MAML3: variants seen among roughly 807,000 people sequenced by gnomAD.
MAML3 encodes the protein mastermind like transcriptional coactivator 3, also known as mastermind-like protein 3.
Under a neutral mutation model 101.9 loss-of-function variants are expected in MAML3, and 27 were observed. The ratio of observed to expected loss-of-function variants is 0.27; its 90% confidence interval spans 0.20 to 0.37. The LOEUF (loss-of-function observed/expected upper bound fraction) is 0.37. MAML3 is among the 10% of genes least tolerant of loss of function. The pLI is 1.00. For synonymous variants in MAML3, 501 were observed against 555.9 expected (o/e 0.90, Z 1.39); for missense variants, 1,316 against 1,444.9 (o/e 0.91, Z 1.45).
intron 1 of MAML3, among the ~76,000 whole-genome samples, chr4:140,029,463 T>C (rs1355748520): frequency 6.6e-6 from 1 of 152,216 alleles, no homozygotes; most frequent in East Asian, 1.9e-4. Context: ...CTTATTTGTG[T>C]GGTAACTGAA....
intron 1 of MAML3, among the ~76,000 whole-genome samples, chr4:140,047,887 G>A (rs1015763119): frequency 1.3e-5 from 2 of 152,046 alleles, no homozygotes; most frequent in African/African-American, 4.8e-5. Context: ...AGCGCTGGCG[G>A]CAATGGCCAT....
At chr4:139,782,180 A>G (rs1730228301) in intron 2 of MAML3, among the ~76,000 whole-genome samples, 1 of 152,216 alleles carries the variant, frequency 6.6e-6, no homozygotes, top group South Asian at 2.1e-4. Context: ...TGATTTTTTT[A>G]GAGACAAGGT....
chr4:139,820,982 T>A (rs896853201), intron 2 of MAML3, among the ~76,000 whole-genome samples: 1 of 152,232 alleles, frequency 6.6e-6, no homozygotes, highest in Non-Finnish European at 1.5e-5. Flanking sequence ...TATCCATTTT[T>A]CATGTGTTCC....
At chr4:140,104,045 A>T (rs912007118) in intron 1 of MAML3, among the ~76,000 whole-genome samples, 1 of 152,022 alleles carries the variant, frequency 6.6e-6, no homozygotes, top group Non-Finnish European at 1.5e-5. Context: ...TGTACACATC[A>T]TATCACTCAC....
At chr4:140,072,066 C>G (rs1411715062) in intron 1 of MAML3, among the ~76,000 whole-genome samples, 4 of 152,126 alleles carry the variant, frequency 2.6e-5, no homozygotes, top group African/African-American at 7.2e-5. Flanking sequence ...CAGACACTTC[C>G]GGCTTTCATT....
chr4:140,033,874 T>A (rs772880522), intron 1 of MAML3, among the ~76,000 whole-genome samples: 2 of 152,234 alleles, frequency 1.3e-5, no homozygotes, highest in African/African-American at 4.8e-5. Flanking sequence ...TTTTAAAGTG[T>A]GCATTCTTAT....
At chr4:139,877,135 T>C (rs1049515264) in intron 2 of MAML3, among the ~76,000 whole-genome samples, 2 of 152,142 alleles carry the variant, frequency 1.3e-5, no homozygotes, top group Non-Finnish European at 2.9e-5. Context: ...ATAAAACATA[T>C]AGGTAAATTG....
intron 1 of MAML3, among the ~76,000 whole-genome samples, chr4:140,131,088 T>C (rs1313497338): frequency 3.9e-5 from 6 of 152,166 alleles, no homozygotes; most frequent in Admixed American, 6.5e-5. Flanking sequence ...TAAACTATTA[T>C]CTGCTGGCCA....
intron 2 of MAML3, among the ~76,000 whole-genome samples, chr4:139,856,280 C>A (rs1295277922): frequency 6.6e-6 from 1 of 152,200 alleles, no homozygotes; most frequent in African/African-American, 2.4e-5. Flanking sequence ...AAAAAATATT[C>A]TTAAGCAATA....
chr4:139,937,329 T>A (rs752040316), intron 1 of MAML3, among the ~76,000 whole-genome samples: 1 of 151,698 alleles, frequency 6.6e-6, no homozygotes, highest in African/African-American at 2.4e-5. Flanking sequence ...ATATTATTGA[T>A]GACATAAAGT....
chr4:139,833,010 A>G (rs1468988539), intron 2 of MAML3, among the ~76,000 whole-genome samples: 2 of 152,338 alleles, frequency 1.3e-5, no homozygotes, highest in Middle Eastern at 3.4e-3. Context: ...TCATCCACTA[A>G]TAAGTGCAAC....
At chr4:139,964,890 G>C (rs1359142215) in intron 1 of MAML3, among the ~76,000 whole-genome samples, 1 of 152,048 alleles carries the variant, frequency 6.6e-6, no homozygotes, top group Non-Finnish European at 1.5e-5. Flanking sequence ...GAGAAGTCTT[G>C]GTATGTACCT....
chr4:139,996,026 T>C (rs562116086), intron 1 of MAML3, among the ~76,000 whole-genome samples: 1 of 152,262 alleles, frequency 6.6e-6, no homozygotes, highest in South Asian at 2.1e-4. Context: ...TCTAACTTTT[T>C]CTTTTACTCA....
chr4:140,131,779 A>G (rs1046630019), intron 1 of MAML3, among the ~76,000 whole-genome samples: 1 of 152,178 alleles, frequency 6.6e-6, no homozygotes, highest in African/African-American at 2.4e-5. Context: ...AACATCAGCA[A>G]TCAGTCTACT....
intron 1 of MAML3, among the ~76,000 whole-genome samples, chr4:139,956,687 A>G (rs1346416277): frequency 2.0e-5 from 3 of 152,194 alleles, no homozygotes; most frequent in Non-Finnish European, 4.4e-5. Flanking sequence ...AGCGATATAC[A>G]TTCAGGAGAG....
intron 1 of MAML3, among the ~76,000 whole-genome samples, chr4:140,093,755 T>C (rs1728103465): frequency 6.6e-6 from 1 of 152,184 alleles, no homozygotes; most frequent in Non-Finnish European, 1.5e-5. Context: ...ATAGTTTGTT[T>C]ACTCTGCCTT....
chr4:139,835,768 T>C (rs1369446369), intron 2 of MAML3, among the ~76,000 whole-genome samples: 1 of 152,166 alleles, frequency 6.6e-6, no homozygotes, highest in Non-Finnish European at 1.5e-5. Context: ...ATATAACTTT[T>C]CCAAAGAAGG....
At chr4:139,820,400 G>A (rs1026748361) in intron 2 of MAML3, among the ~76,000 whole-genome samples, 1 of 152,130 alleles carries the variant, frequency 6.6e-6, no homozygotes, top group Non-Finnish European at 1.5e-5. Flanking sequence ...ATTTCACTGG[G>A]GACTTAGGCT....
At chr4:139,875,275 A>G (rs1417780803) in intron 2 of MAML3, among the ~76,000 whole-genome samples, 1 of 152,132 alleles carries the variant, frequency 6.6e-6, no homozygotes, top group Non-Finnish European at 1.5e-5. Context: ...AGCTCCTTAT[A>G]TGATCCTACC....
Sources: gnomAD v4.1 joint callset for allele counts (sites outside exome capture counted in the v4.1 genomes callset) on GRCh38, gnomAD v4.1.1 for gene constraint, MANE v1.5 for transcripts, NCBI Gene and HGNC (gene_info 2026-07-23, HGNC 2026-07-21) for gene names.